GLT1D1: variants seen among roughly 807,000 people sequenced by gnomAD.
The protein encoded by GLT1D1 is glycosyltransferase 1 domain-containing protein 1.
GLT1D1 carries 21 observed loss-of-function variants against 28.7 expected under a neutral mutation model. The observed-to-expected ratio is 0.73, with a 90% CI of 0.52 to 1.05. GLT1D1 has a LOEUF of 1.05. Among genes scored for constraint, GLT1D1 ranks in the 50% least tolerant of loss-of-function variants. GLT1D1 has a pLI of 0.00. For synonymous variants in GLT1D1, 147 were observed against 124.8 expected (o/e 1.18, Z -1.19); for missense variants, 343 against 330.6 (o/e 1.04, Z -0.29).
Position 128,876,007 on chromosome 12 carries a change from G to A in GLT1D1, c.162G>A (p.Glu54=), listed in dbSNP as rs1241559214. 6.2e-7 allele frequency: 1 copy of A among 1,613,968 alleles called. No individual in the cohort carries two copies. Among genetic ancestry groups the A allele is most frequent in the Non-Finnish European group, 8.5e-7 (1 of 1,179,876 alleles). ...AGATTGCAAACCTCATCTTGGCTGA[G>A]AACTGCGAGGCTGCCCTGGCTCTTC... is the stretch of plus-strand genomic sequence containing the variant. Residue 54 remains glutamate, a synonymous_variant, in exon 2 of 8, where the codon GAG becomes GAA. Coordinates refer to ENST00000281703, the MANE Select transcript of GLT1D1 (RefSeq NM_144669.3).
intron 2 of GLT1D1, among the ~76,000 whole-genome samples, chr12:128,888,386 A>G (rs1868635988): frequency 6.6e-6 from 1 of 152,166 alleles, no homozygotes; most frequent in Non-Finnish European, 1.5e-5. Context: ...TTTATTTGCT[A>G]AAGTTTAAAA....
At position 128,947,316 on chromosome 12, in the gene GLT1D1, C is replaced by T. The variant is rs1876228895; in HGVS notation, c.420-22C>T. ...CATGAGATTCTTGGAATCAGAGCCA[C>T]TCTTCCTGCTTTGTGTTTCAGAGCC... is the stretch of plus-strand genomic sequence containing the variant. On this transcript the variant is annotated intron_variant, in intron 5 of 7. Coordinates refer to ENST00000281703, the MANE Select transcript of GLT1D1 (RefSeq NM_144669.3). 8 of 1,613,580 alleles carry T rather than the reference C, an allele frequency of 5.0e-6. No homozygotes were observed. The East Asian group carries it at 1.6e-4, about 31-fold the overall frequency.
intron 1 of GLT1D1, among the ~76,000 whole-genome samples, chr12:128,855,419 A>G (rs771591854): frequency 2.6e-5 from 4 of 151,738 alleles, no homozygotes; most frequent in Non-Finnish European, 5.9e-5. Context: ...TTTAAAAATT[A>G]GCTGATGTGG....
chr12:128,934,513 A>G (rs1239370408), intron 4 of GLT1D1, among the ~76,000 whole-genome samples: 1 of 152,000 alleles, frequency 6.6e-6, no homozygotes, highest in Non-Finnish European at 1.5e-5. Flanking sequence ...TATTTTTAGG[A>G]GGCAATGGCA....
chr12:128,975,727 C>T (rs935680385), intron 7 of GLT1D1, among the ~76,000 whole-genome samples: 3 of 152,212 alleles, frequency 2.0e-5, no homozygotes, highest in African/African-American at 4.8e-5. Context: ...GCAGAGATTA[C>T]ATGTGTGAGC....
chr12:128,960,310 T>C (rs898794067), intron 7 of GLT1D1, among the ~76,000 whole-genome samples: 3 of 152,194 alleles, frequency 2.0e-5, no homozygotes, highest in African/African-American at 7.2e-5. Flanking sequence ...TTCTTTACGG[T>C]CTTCTTCCAA....
chr12:128,948,545 G>T (rs934809512), intron 6 of GLT1D1, among the ~76,000 whole-genome samples: 3 of 152,132 alleles, frequency 2.0e-5, no homozygotes, highest in African/African-American at 7.2e-5. Flanking sequence ...TTTTCCTGTC[G>T]AAAGGAAACA....
At chr12:128,911,273 C>T (rs1871495036) in intron 4 of GLT1D1, among the ~76,000 whole-genome samples, 1 of 152,232 alleles carries the variant, frequency 6.6e-6, no homozygotes, top group Non-Finnish European at 1.5e-5. Flanking sequence ...ACCAAACCTT[C>T]CCAGGCTTGG....
In GLT1D1 at chr12:128,868,201, C is replaced by A. The variant is rs538450225; in HGVS notation, c.69-7713C>A. ...TCTCCTGGCAGAATCTTCTCGCCAG[C>A]CCCTCCTGGGTCTCCCTGAATCCCA... On this transcript the variant is annotated intron_variant, in intron 1 of 7. Coordinates refer to ENST00000281703, the MANE Select transcript of GLT1D1 (RefSeq NM_144669.3). Among the ~76,000 whole-genome samples, 4 of 152,352 alleles carry A rather than the reference C, an allele frequency of 2.6e-5. No individual in the cohort carries two copies. The East Asian group carries it at 7.7e-4, about 29-fold the overall frequency.
intron 4 of GLT1D1, among the ~76,000 whole-genome samples, chr12:128,941,905 C>CTTTTTTT (rs60663875): frequency 1.3e-5 from 1 of 75,366 alleles, no homozygotes; most frequent in Non-Finnish European, 2.4e-5. Context: ...CTCTCTCTCT[C>CTTTTTTT]TTTTTTTTTT....
intron 1 of GLT1D1, among the ~76,000 whole-genome samples, chr12:128,855,839 G>A (rs984205144): frequency 2.2e-5 from 3 of 136,642 alleles, no homozygotes; most frequent in Admixed American, 1.7e-4. Flanking sequence ...TGCAACCTCT[G>A]CCCCCCGGTT....
chr12:128,958,830 C>T (rs370815101), intron 7 of GLT1D1, among the ~76,000 whole-genome samples: 26 of 83,834 alleles, frequency 3.1e-4, no homozygotes, highest in South Asian at 4.9e-4. Flanking sequence ...AAATAAAAAT[C>T]TTTTTTTTTT....
chr12:128,957,774 T>C, intron 7 of GLT1D1, 131 bp downstream of exon 11: 1 of 612,878 alleles, frequency 1.6e-6, no homozygotes, highest in South Asian at 1.8e-5. Context: ...GAGCATGCTG[T>C]CTTCTGTTAT....
At chr12:128,908,819 GGCGCCTGTAGTCCCA>G (rs1305799326) in intron 4 of GLT1D1, among the ~76,000 whole-genome samples, 1 of 152,044 alleles carries the variant, frequency 6.6e-6, no homozygotes, top group Non-Finnish European at 1.5e-5. Flanking sequence ...CGTGGTGACG[GGCGCCTGTAGTCCCA>G]GCTACTCGGG....
intron 4 of GLT1D1, among the ~76,000 whole-genome samples, chr12:128,908,373 CT>C (rs55744250): frequency 0.42 from 54,771 of 131,316 alleles, 11,109 homozygotes; most frequent in East Asian, 0.53. Flanking sequence ...TTCTTTCTTT[CT>C]TTTCTTTCTC....
chr12:128,947,750 G>A (rs1876278153), intron 6 of GLT1D1, among the ~76,000 whole-genome samples: 1 of 152,200 alleles, frequency 6.6e-6, no homozygotes, highest in Admixed American at 6.5e-5. Context: ...AGGCAGCTAA[G>A]GTTACAAAAG....
chr12:128,871,396 C>A (rs1223861090), intron 1 of GLT1D1, among the ~76,000 whole-genome samples: 1 of 152,170 alleles, frequency 6.6e-6, no homozygotes, highest in Non-Finnish European at 1.5e-5. Context: ...TACTGACCCA[C>A]AATGACTGGA....
Position 128,983,029 on chromosome 12 carries a change from A to G in GLT1D1, c.740A>G (p.Gln247Arg). 6.2e-7 allele frequency: 1 copy of G among 1,614,156 alleles called. No homozygotes were observed. The highest frequency in any genetic ancestry group is 8.5e-7 in the Non-Finnish European group (1 of 1,179,978). Reference sequence around the variant, plus strand: ...TACGTGAGAATGTATCATTCATGGCAGGTGGAAAGAGACACCTACCAACAG... The same window carrying G: ...TACGTGAGAATGTATCATTCATGGCGGGTGGAAAGAGACACCTACCAACAG... Residue 247 changes from glutamine (Q) to arginine (R), a missense_variant, in exon 8 of 8, where the codon CAG becomes CGG. Coordinates refer to ENST00000281703, the MANE Select transcript of GLT1D1 (RefSeq NM_144669.3). The surrounding 1 kb of genome is among the most constrained non-coding windows in gnomAD (Gnocchi z 4.7).
At chr12:128,886,834 G>T (rs1868437227) in intron 2 of GLT1D1, among the ~76,000 whole-genome samples, 1 of 152,084 alleles carries the variant, frequency 6.6e-6, no homozygotes, top group Non-Finnish European at 1.5e-5. Context: ...TACCATATGA[G>T]AAAAATCTTC....
Sources: gnomAD v4.1 joint callset for allele counts (sites outside exome capture counted in the v4.1 genomes callset) on GRCh38, gnomAD v4.1.1 for gene constraint, Gnocchi (gnomAD v3.1) non-coding constraint, MANE v1.5 for transcripts, NCBI Gene and HGNC (gene_info 2026-07-23, HGNC 2026-07-21) for gene names.